The following XKR9 variants were observed in gnomAD, a reference collection of about 807,000 sequenced individuals.
XKR9 encodes the protein XK related 9, also known as XK-related protein 9.
In XKR9, 32 loss-of-function variants were observed where a neutral mutation model predicts 32.0. The observed-to-expected ratio is 1.00, with a 90% CI of 0.76 to 1.34. The LOEUF (loss-of-function observed/expected upper bound fraction) is 1.34, where lower values mean the gene tolerates loss of function less well. XKR9 is among the 40% of genes most tolerant of loss of function. The pLI is 0.00. For synonymous variants in XKR9, 168 were observed against 143.4 expected, an observed-to-expected ratio of 1.17 and a Z score of -1.22; for missense variants, 546 against 429.7, an observed-to-expected ratio of 1.27 and a Z score of -2.39.
At chr8:70,697,681 G>A (rs1364374482) in intron 3 of XKR9, among the ~76,000 whole-genome samples, 10 of 151,666 alleles carry the variant, frequency 6.6e-5, no homozygotes, top group East Asian at 5.8e-4. Flanking sequence ...TTTGGTATCC[G>A]GATGATGCTG....
At chr8:71,040,235 G>A in the XKR9 span, among the ~76,000 whole-genome samples, 10,097 of 152,188 alleles carry the variant, frequency 0.066, 473 homozygotes, top group Non-Finnish European at 0.094. Flanking sequence ...TATTTGGCCA[G>A]CACAGGGAGA....
chr8:71,057,635 A>T, the XKR9 span, among the ~76,000 whole-genome samples: 1 of 152,182 alleles, frequency 6.6e-6, no homozygotes, highest in East Asian at 1.9e-4. Context: ...AATTTATCAC[A>T]GTGTCAGAAC....
intron 4 of XKR9, among the ~76,000 whole-genome samples, chr8:70,720,338 G>A (rs963370456): frequency 6.6e-6 from 1 of 152,106 alleles, no homozygotes; most frequent in East Asian, 1.9e-4. Context: ...ATACTATGTT[G>A]AATAGGAGTG....
chr8:70,801,083 G>A, the XKR9 span, among the ~76,000 whole-genome samples: 1 of 149,444 alleles, frequency 6.7e-6, no homozygotes, highest in Non-Finnish European at 1.5e-5. Flanking sequence ...AAAAATTAGT[G>A]TAGCTAGTGG....
At chr8:70,776,941 C>CTATATA (rs1458539277) in intron 2 of XKR9, among the ~76,000 whole-genome samples, 1 of 31,456 alleles carries the variant, frequency 3.2e-5, no homozygotes. Context: ...CTCTCTCTCT[C>CTATATA]TCTCTCTATA....
chr8:70,689,158 A>C (rs1172906020), intron 3 of XKR9, among the ~76,000 whole-genome samples: 1 of 152,170 alleles, frequency 6.6e-6, no homozygotes, highest in Non-Finnish European at 1.5e-5. Context: ...GGAAATCAAA[A>C]AGTAAAAGAC....
At chr8:70,978,262 T>G in the XKR9 span, among the ~76,000 whole-genome samples, 1 of 152,214 alleles carries the variant, frequency 6.6e-6, no homozygotes, top group Non-Finnish European at 1.5e-5. Flanking sequence ...TATGTGTGAA[T>G]TTGATACTGC....
chr8:70,679,997 G>GT (rs1819020583), intron 2 of XKR9, among the ~76,000 whole-genome samples: 1 of 151,452 alleles, frequency 6.6e-6, no homozygotes, highest in South Asian at 2.1e-4. Flanking sequence ...GTACAGGTCT[G>GT]TTGTAAAAAA....
chr8:70,867,077 T>C, the XKR9 span, among the ~76,000 whole-genome samples: 1 of 151,814 alleles, frequency 6.6e-6, no homozygotes. Context: ...GGAAAAAGGG[T>C]TTAATGGACT....
the XKR9 span, among the ~76,000 whole-genome samples, chr8:70,946,659 T>G: frequency 1.3e-5 from 2 of 152,132 alleles, no homozygotes; most frequent in Admixed American, 1.3e-4. Context: ...TTCTAGGAGG[T>G]GTCACTTGTT....
At chr8:70,741,173 G>C (rs548184179) in intron 2 of XKR9, among the ~76,000 whole-genome samples, 1 of 152,260 alleles carries the variant, frequency 6.6e-6, no homozygotes, top group Non-Finnish European at 1.5e-5. Flanking sequence ...CTGGGCAATG[G>C]TGGGTGTAGG....
At chr8:71,002,495 G>A in the XKR9 span, among the ~76,000 whole-genome samples, 3 of 151,514 alleles carry the variant, frequency 2.0e-5, no homozygotes, top group East Asian at 1.9e-4. Flanking sequence ...GTATCTTTAA[G>A]TAAATTTAAT....
the XKR9 span, among the ~76,000 whole-genome samples, chr8:70,898,878 CA>C: frequency 6.6e-6 from 1 of 151,662 alleles, no homozygotes; most frequent in Non-Finnish European, 1.5e-5. Flanking sequence ...GAGAGTTCTG[CA>C]GTCAAATTTT....
the XKR9 span, among the ~76,000 whole-genome samples, chr8:70,823,642 A>C: frequency 2.0e-5 from 3 of 152,210 alleles, no homozygotes; most frequent in African/African-American, 7.2e-5. Context: ...ACTTTTGGTA[A>C]GAGAAAATTG....
intron 3 of XKR9, among the ~76,000 whole-genome samples, chr8:70,700,624 G>T (rs1300211924): frequency 2.0e-5 from 3 of 152,168 alleles, no homozygotes; most frequent in Non-Finnish European, 4.4e-5. Flanking sequence ...GGCTGCTCGG[G>T]GGTCAGGGGT....
chr8:71,035,620 T>C, the XKR9 span, among the ~76,000 whole-genome samples: 2 of 152,174 alleles, frequency 1.3e-5, no homozygotes, highest in African/African-American at 4.8e-5. Context: ...CTTTGACATT[T>C]GACAGTGGGG....
intron 4 of XKR9, among the ~76,000 whole-genome samples, chr8:70,714,576 A>G (rs1450229143): frequency 6.6e-6 from 1 of 152,192 alleles, no homozygotes; most frequent in Non-Finnish European, 1.5e-5. Context: ...GTTTTTGTCA[A>G]CATCATAACT....
chr8:70,865,725 A>G, the XKR9 span, among the ~76,000 whole-genome samples: 1 of 152,304 alleles, frequency 6.6e-6, no homozygotes, highest in East Asian at 1.9e-4. Context: ...CAAAAGGGAT[A>G]ATGGAAGAAA....
the XKR9 span, among the ~76,000 whole-genome samples, chr8:71,027,967 G>A: frequency 6.6e-6 from 1 of 152,058 alleles, no homozygotes; most frequent in Non-Finnish European, 1.5e-5. Context: ...AGAGACAGGG[G>A]CTTACTATGT....
Sources: gnomAD v4.1 joint callset for allele counts (sites outside exome capture counted in the v4.1 genomes callset) on GRCh38, gnomAD v4.1.1 for gene constraint, MANE v1.5 for transcripts, NCBI Gene and HGNC (gene_info 2026-07-23, HGNC 2026-07-21) for gene names.